The following APBB1IP variants were observed in gnomAD, a reference collection of about 807,000 sequenced individuals.
APBB1IP encodes the protein amyloid beta A4 precursor protein-binding family B member 1-interacting protein.
APBB1IP carries 27 observed loss-of-function variants against 64.9 expected under a neutral mutation model. The ratio of observed to expected loss-of-function variants is 0.42; its 90% CI spans 0.31 to 0.57. The LOEUF (loss-of-function observed/expected upper bound fraction) is 0.57, where lower values mean the gene tolerates loss of function less well. Ranked by LOEUF, APBB1IP falls within the 20% of genes least tolerant of loss-of-function variation. The pLI is 0.20. For synonymous variants in APBB1IP, 392 were observed against 331.0 expected (o/e 1.18, Z -2.00); for missense variants, 812 against 845.5 (o/e 0.96, Z 0.49).
chr10:26,547,515 C>G (rs1386397212), intron 11 of APBB1IP, among the ~76,000 whole-genome samples: 2 of 152,122 alleles, frequency 1.3e-5, no homozygotes, highest in African/African-American at 4.8e-5. Flanking sequence ...GATCTCAGCT[C>G]ACTGCAACCT....
At chr10:26,537,781 A>C (rs1210332427) in intron 10 of APBB1IP, among the ~76,000 whole-genome samples, 1 of 151,980 alleles carries the variant, frequency 6.6e-6, no homozygotes. Context: ...TAAAAATACA[A>C]AAATTAGCTG....
In APBB1IP at chr10:26,555,916, T is replaced by A. The variant is rs79266152; in HGVS notation, c.1156-4189T>A. Among the ~76,000 whole-genome samples, 1,036 of 152,310 alleles carry A rather than the reference T, an allele frequency of 6.8e-3. 19 individuals are homozygous for A. Among genetic ancestry groups the A allele is most frequent in the Admixed American group, 0.037 (569 of 15,300 alleles). The stretch of plus-strand genomic sequence containing the variant: ...GCCCTGCCTCTCTTACTCCTCTTAA[T>A]GTACCTAGGAATTAGCATATTTCTT... On this transcript the variant is annotated intron_variant, in intron 11 of 14. Coordinates refer to ENST00000376236, the MANE Select transcript of APBB1IP (RefSeq NM_019043.4).
chr10:26,538,925 G>A (rs1048914097), intron 10 of APBB1IP, among the ~76,000 whole-genome samples: 5 of 152,142 alleles, frequency 3.3e-5, no homozygotes, highest in South Asian at 4.1e-4. Context: ...ACAGACAACC[G>A]TCTAATATCA....
chr10:26,544,443 G>A lies in APBB1IP; in HGVS notation c.1155+2751G>A, dbSNP rs186458212. Among the ~76,000 whole-genome samples, 33 of 152,308 alleles carry A rather than the reference G, an allele frequency of 2.2e-4. 2 individuals carry two copies. The highest frequency in any genetic ancestry group is 1.3e-3 in the Admixed American group (20 of 15,298). On this transcript the variant is annotated intron_variant, in intron 11 of 14. Transcript: ENST00000376236. ...AGGGTTAGGGTTAGGGTTTAAGGAT[G>A]GAGCCTAGGAATCTTCATTTTTCCT...
chr10:26,457,539 T>C (rs3006835), intron 2 of APBB1IP, among the ~76,000 whole-genome samples: 104,418 of 152,110 alleles, frequency 0.69, 36,359 homozygotes, highest in East Asian at 0.94. Context: ...TCATCCAGGG[T>C]TTCTCTGTGC....
In APBB1IP at chr10:26,562,353, A is replaced by G. The variant is rs770822531; in HGVS notation, c.1397A>G (p.Asn466Ser). The G allele has an allele frequency of 9.3e-6, 15 of 1,613,762 alleles. No homozygotes were observed. Among genetic ancestry groups the G allele is most frequent in the African/African-American group, 2.7e-5 (2 of 74,886 alleles). The change falls in exon 14 of 15, where the codon AAT (asparagine) becomes AGT (serine). Residue 466 changes from asparagine (N) to serine (S), a missense_variant. Around this residue, in one of 3 missense-constraint regions of APBB1IP, gnomAD observed 381 missense variants for 352.1 expected, o/e 1.08. Coordinates refer to ENST00000376236, the MANE Select transcript of APBB1IP (RefSeq NM_019043.4). Reference sequence around the variant, plus strand: ...CCTAAAACAGGCACCACCCAGCCCAATGGACAGATTCCCCAGGCTACACAT... The same window carrying G: ...CCTAAAACAGGCACCACCCAGCCCAGTGGACAGATTCCCCAGGCTACACAT... ...TGPKTGTTQP[N>S]GQIPQATHSV...
chr10:26,551,517 G>A (rs890444926), intron 11 of APBB1IP, among the ~76,000 whole-genome samples: 3 of 152,124 alleles, frequency 2.0e-5, no homozygotes, highest in African/African-American at 4.8e-5. Context: ...GATAGAAGCC[G>A]TTCCTTCATG....
intron 14 of APBB1IP, among the ~76,000 whole-genome samples, chr10:26,562,662 T>C (rs568943263): frequency 2.6e-5 from 4 of 151,650 alleles, no homozygotes; most frequent in Admixed American, 6.6e-5. Context: ...CCAGGCATGG[T>C]GGCATGCACC....
At chr10:26,552,618 G>C (rs1836845488) in intron 11 of APBB1IP, among the ~76,000 whole-genome samples, 2 of 148,160 alleles carry the variant, frequency 1.3e-5, no homozygotes, top group African/African-American at 5.0e-5. Flanking sequence ...AGGAATGAAA[G>C]AAAGAAAGAA....
chr10:26,494,040 G>T (rs1835990485), intron 3 of APBB1IP, among the ~76,000 whole-genome samples: 1 of 152,024 alleles, frequency 6.6e-6, no homozygotes, highest in South Asian at 2.1e-4. Context: ...ATCTCACTAT[G>T]TTGCCCAGGC....
intron 11 of APBB1IP, among the ~76,000 whole-genome samples, chr10:26,557,299 G>A (rs1836906140): frequency 6.6e-6 from 1 of 152,174 alleles, no homozygotes; most frequent in Non-Finnish European, 1.5e-5. Flanking sequence ...GCAACATTCA[G>A]GAGCCTGATG....
chr10:26,524,941 CTCTTTCTT>C (rs926202767), intron 8 of APBB1IP, among the ~76,000 whole-genome samples: 2 of 98,022 alleles, frequency 2.0e-5, no homozygotes, highest in South Asian at 7.2e-4. Flanking sequence ...CTTTTTCTTT[CTCTTTCTT>C]TCTTTCTTTT....
At chr10:26,490,632 GA>G (rs1212450444) in intron 2 of APBB1IP, among the ~76,000 whole-genome samples, 1 of 151,386 alleles carries the variant, frequency 6.6e-6, no homozygotes, top group Non-Finnish European at 1.5e-5. Context: ...TCTCAAAAAA[GA>G]AAAAAAGAAA....
intron 2 of APBB1IP, among the ~76,000 whole-genome samples, chr10:26,458,292 G>T (rs1234323740): frequency 6.6e-6 from 1 of 152,134 alleles, no homozygotes; most frequent in Non-Finnish European, 1.5e-5. Flanking sequence ...GAAGGCTGAG[G>T]TGGGAAAGTC....
At position 26,519,084 on chromosome 10, in the gene APBB1IP, G is replaced by A. The variant is rs183112294; in HGVS notation, c.813+5424G>A. Reference sequence around the variant, plus strand: ...AAGATCAGGAGTTCGAGACCAGCCCGGCCAACGTGATGAAACCCTGTCTCT... The same window carrying A: ...AAGATCAGGAGTTCGAGACCAGCCCAGCCAACGTGATGAAACCCTGTCTCT... On this transcript the variant is annotated intron_variant, in intron 8 of 14. Transcript: ENST00000376236. 5.5e-3 allele frequency among the ~76,000 whole-genome samples: 806 copies of A among 146,806 alleles called. 3 individuals carry two copies. The highest frequency in any genetic ancestry group is 9.6e-3 in the Non-Finnish European group (635 of 66,486).
intron 8 of APBB1IP, among the ~76,000 whole-genome samples, chr10:26,520,842 G>A (rs1836393344): frequency 6.6e-6 from 1 of 152,180 alleles, no homozygotes; most frequent in South Asian, 2.1e-4. Flanking sequence ...TTGCCACATT[G>A]TGAAGTTATG....
At chr10:26,562,228 T>C in intron 13 of APBB1IP, 98 bp from the exon 14 acceptor site, 1 of 888,132 alleles carries the variant, frequency 1.1e-6, no homozygotes, top group Admixed American at 2.0e-5. Flanking sequence ...TATCTTTCTT[T>C]GCTTTAGAGA....
intron 11 of APBB1IP, 82 bp downstream of exon 11, chr10:26,541,774 G>A (rs1169778606): frequency 1.4e-5 from 14 of 1,004,180 alleles, no homozygotes; most frequent in Admixed American, 2.8e-5. Flanking sequence ...TTAAATTATA[G>A]TTAGCCATAT....
In APBB1IP at chr10:26,460,873, T is replaced by C. The variant is rs554582760; in HGVS notation, c.-1+22020T>C. 2.0e-5 allele frequency among the ~76,000 whole-genome samples: 3 copies of C among 152,260 alleles called. No individual in the cohort carries two copies. The South Asian group carries it at 6.2e-4, about 32-fold the overall frequency. On this transcript the variant is annotated intron_variant, in intron 2 of 14. Coordinates refer to ENST00000376236, the MANE Select transcript of APBB1IP (RefSeq NM_019043.4). ...GGTAAAAGCTCACTGCTGCCAGCAC[T>C]CACTCCTCAGTCTAAGATGGTAGGG...
Sources: gnomAD v4.1 joint callset for allele counts (sites outside exome capture counted in the v4.1 genomes callset) on GRCh38, gnomAD v4.1.1 for gene constraint, gnomAD v4.1.1 regional missense constraint, MANE v1.5 for transcripts, NCBI Gene and HGNC (gene_info 2026-07-23, HGNC 2026-07-21) for gene names.